FGF2: variants seen among roughly 807,000 people sequenced by gnomAD.
The protein encoded by FGF2 is fibroblast growth factor 2.
FGF2 carries 13 observed loss-of-function variants against 15.9 expected under a neutral mutation model. That is an observed-to-expected ratio of 0.82 (90% CI 0.53 to 1.30). The LOEUF (loss-of-function observed/expected upper bound fraction) is 1.30. Among genes scored for constraint, FGF2 ranks in the 50% most tolerant of loss-of-function variants. The probability of loss-of-function intolerance (pLI) is 0.00; values close to 1 mark genes in which losing one functional copy is unlikely to be tolerated. For missense variants in FGF2, 163 were observed against 196.9 expected (o/e 0.83, Z 1.03); for synonymous variants, 90 against 78.4 (o/e 1.15, Z -0.78).
chr4:122,827,183 C>G lies in FGF2; in HGVS notation c.9C>G (p.Ala3=). 1 of 1,585,138 alleles carries G rather than the reference C, an allele frequency of 6.3e-7. No homozygotes were observed. Among genetic ancestry groups the G allele is most frequent in the South Asian group, 1.1e-5 (1 of 87,786 alleles). The change falls in exon 1 of 3, where the codon GCC becomes GCG. Residue 3 remains alanine (A), a synonymous_variant. Coordinates refer to ENST00000644866, the MANE Select transcript of FGF2 (RefSeq NM_001361665.2). This position sits in a 1 kb window ranked among gnomAD's most constrained non-coding sequence, Gnocchi z 4.2. ...CGGGCCCCGCAGGGACCATGGCAGC[C>G]GGGAGCATCACCACGCTGCCCGCCT... is the stretch of plus-strand genomic sequence containing the variant. MA[A]GSITTLPALP...
chr4:122,839,684 C>A (rs1354945258), intron 1 of FGF2, among the ~76,000 whole-genome samples: 3 of 152,144 alleles, frequency 2.0e-5, no homozygotes, highest in Non-Finnish European at 4.4e-5. Context: ...TCTTCTCAGG[C>A]CCTGTCCATT....
At chr4:122,845,466 A>T (rs987560676) in intron 1 of FGF2, among the ~76,000 whole-genome samples, 2 of 152,236 alleles carry the variant, frequency 1.3e-5, no homozygotes, top group African/African-American at 4.8e-5. Context: ...CCTAGATGGC[A>T]TCTTCTTCCA....
intron 1 of FGF2, among the ~76,000 whole-genome samples, chr4:122,861,167 C>G (rs914152982): frequency 8.6e-5 from 13 of 152,032 alleles, no homozygotes; most frequent in Admixed American, 8.5e-4. Flanking sequence ...TTGAGAAGAT[C>G]GCAGCCACTT....
At chr4:122,844,582 T>C (rs868440122) in intron 1 of FGF2, among the ~76,000 whole-genome samples, 11,342 of 115,878 alleles carry the variant, frequency 0.098, 513 homozygotes, top group African/African-American at 0.21. Context: ...TTTCTTTCTT[T>C]CTTTCTTCCT....
chr4:122,885,912 C>CT (rs1441621848), intron 2 of FGF2, among the ~76,000 whole-genome samples: 1 of 111,996 alleles, frequency 8.9e-6, no homozygotes, highest in Non-Finnish European at 1.8e-5. Flanking sequence ...TTTTTTTTTT[C>CT]CTTTTTTTTT....
In FGF2 at chr4:122,892,274, C is replaced by G; in HGVS notation, c.346C>G (p.Arg116Gly). ...RLESNNYNTY[R>G]SRKYTSWYVA... ...GGAATCTAATAACTACAATACTTAC[C>G]GGTCAAGGAAATACACCAGTTGGTA... The change falls in exon 3 of 3, where the codon CGG (arginine) becomes GGG (glycine). Residue 116 changes from arginine (R) to glycine (G), a missense_variant. Transcript: ENST00000644866. The G allele has an allele frequency of 6.2e-7, 1 of 1,613,462 alleles. No homozygotes were observed. Among genetic ancestry groups the G allele is most frequent in the South Asian group, 1.1e-5 (1 of 91,052 alleles).
intron 1 of FGF2, among the ~76,000 whole-genome samples, chr4:122,840,986 T>G (rs1725972845): frequency 6.6e-6 from 1 of 152,120 alleles, no homozygotes; most frequent in Non-Finnish European, 1.5e-5. Context: ...CCAAGAGGTT[T>G]GAGAATACTG....
intron 1 of FGF2, among the ~76,000 whole-genome samples, chr4:122,865,964 G>C (rs1000438510): frequency 6.6e-6 from 1 of 152,196 alleles, no homozygotes; most frequent in Non-Finnish European, 1.5e-5. Context: ...CCCTAGATTA[G>C]GCAGTGATTT....
rs1189212297 is a variant in FGF2, at chr4:122,897,694, AGAAAAT to A, written c.*5299_*5304del. 1 of 1,571,894 alleles carries A rather than the reference AGAAAAT, an allele frequency of 6.4e-7. No homozygotes were observed. The highest frequency in any genetic ancestry group is 8.8e-7 in the Non-Finnish European group (1 of 1,141,756). On this transcript the variant is annotated 3_prime_UTR_variant, in exon 3 of 3. Coordinates refer to ENST00000644866, the MANE Select transcript of FGF2 (RefSeq NM_001361665.2). ...TATTTTTCAACTGCAGTATAAAGTC[AGAAAAT>A]AAAGTTAACATAACTTTCACTAACA...
At chr4:122,864,018 T>G (rs948878079) in intron 1 of FGF2, among the ~76,000 whole-genome samples, 5 of 152,198 alleles carry the variant, frequency 3.3e-5, no homozygotes, top group African/African-American at 1.2e-4. Context: ...TTACTGGAAG[T>G]CAATTGATTA....
chr4:122,879,815 A>G (rs186341739), intron 2 of FGF2, among the ~76,000 whole-genome samples: 2 of 152,304 alleles, frequency 1.3e-5, no homozygotes, highest in African/African-American at 4.8e-5. Context: ...GAGACTTACT[A>G]TCACAAGAAC....
At chr4:122,891,032 T>TTTTTG (rs1727167724) in intron 2 of FGF2, among the ~76,000 whole-genome samples, 1 of 120,922 alleles carries the variant, frequency 8.3e-6, no homozygotes, top group African/African-American at 3.1e-5. Flanking sequence ...TTTTTTTTTT[T>TTTTTG]TTTGTTTTGT....
At chr4:122,835,191 A>G (rs908304074) in intron 1 of FGF2, among the ~76,000 whole-genome samples, 17 of 152,238 alleles carry the variant, frequency 1.1e-4, no homozygotes, top group Admixed American at 7.2e-4. Context: ...TACTAACTCT[A>G]TCTCCCATGT....
In FGF2 at chr4:122,895,386, AAATGG is replaced by A. The variant is rs1365479845; in HGVS notation, c.*2992_*2996del. On this transcript the variant is annotated 3_prime_UTR_variant, in exon 3 of 3. Transcript: ENST00000644866. Reference sequence around the variant, plus strand: ...TTTGTTTAGTTACAGGACAATAATGAAATGGAGTTTATATTTGTTATTTCTATTTT... The same window carrying A: ...TTTGTTTAGTTACAGGACAATAATGAAGTTTATATTTGTTATTTCTATTTT... 1 of 152,212 alleles carries A rather than the reference AAATGG, an allele frequency of 6.6e-6. No homozygotes were observed. The highest frequency in any genetic ancestry group is 2.4e-5 in the African/African-American group (1 of 41,454). 9.4% of individuals were successfully genotyped at this position (152,212 alleles called of 1,614,324 possible).
chr4:122,833,573 G>T (rs1449428683), intron 1 of FGF2, among the ~76,000 whole-genome samples: 3 of 152,176 alleles, frequency 2.0e-5, no homozygotes, highest in Non-Finnish European at 4.4e-5. Context: ...ACCTTAAGAT[G>T]CTGGCACCTT....
intron 1 of FGF2, among the ~76,000 whole-genome samples, chr4:122,831,293 T>A (rs1157798214): frequency 6.6e-6 from 1 of 152,146 alleles, no homozygotes; most frequent in Non-Finnish European, 1.5e-5. Flanking sequence ...TGGACCCCAC[T>A]TTGGTTAGGC....
chr4:122,881,377 T>C (rs1007858195), intron 2 of FGF2, among the ~76,000 whole-genome samples: 8 of 152,192 alleles, frequency 5.3e-5, no homozygotes, highest in Non-Finnish European at 1.2e-4. Flanking sequence ...TTCCAAACTT[T>C]TATGCTCTCC....
rs1727409001 is a variant in FGF2, at chr4:122,897,771, T to C, written c.*5375T>C. On this transcript the variant is annotated 3_prime_UTR_variant, in exon 3 of 3. Coordinates refer to ENST00000644866, the MANE Select transcript of FGF2 (RefSeq NM_001361665.2). ...AAAATCCACCTATAATTGGTCAAAG[T>C]GGTTGAGAATATATTTTTTAGTAAT... The C allele has an allele frequency of 1.2e-6, 1 of 856,362 alleles. No homozygotes were observed. The highest frequency in any genetic ancestry group is 1.7e-5 in the African/African-American group (1 of 58,954). 53.0% of individuals were successfully genotyped at this position (856,362 alleles called of 1,614,324 possible).
chr4:122,856,102 C>T (rs1388360900), intron 1 of FGF2, among the ~76,000 whole-genome samples: 1 of 152,082 alleles, frequency 6.6e-6, no homozygotes, highest in Non-Finnish European at 1.5e-5. Flanking sequence ...ATAGTGATTC[C>T]TCTTCAAAAC....
Sources: gnomAD v4.1 joint callset for allele counts (sites outside exome capture counted in the v4.1 genomes callset) on GRCh38, gnomAD v4.1.1 for gene constraint, Gnocchi (gnomAD v3.1) non-coding constraint, MANE v1.5 for transcripts, NCBI Gene and HGNC (gene_info 2026-07-23, HGNC 2026-07-21) for gene names.